The following CSF2RA variants were observed in gnomAD, a reference collection of about 807,000 sequenced individuals.
The protein encoded by CSF2RA is granulocyte-macrophage colony-stimulating factor receptor subunit alpha.
CSF2RA carries 42 observed loss-of-function variants against 51.6 expected under a neutral mutation model. The ratio of observed to expected loss-of-function variants is 0.81; its 90% CI spans 0.64 to 1.05. The LOEUF is 1.05. CSF2RA is among the 50% of genes least tolerant of loss of function. The pLI is 0.00. For missense variants in CSF2RA, 530 were observed against 501.1 expected (o/e 1.06, Z -0.55); for synonymous variants, 222 against 193.0 (o/e 1.15, Z -1.24).
At chrX:1,317,401 A>G in the CSF2RA span, among the ~76,000 whole-genome samples, 7 of 148,130 alleles carry the variant, frequency 4.7e-5, no homozygotes, top group South Asian at 2.1e-4. Context: ...ACAGGCATGC[A>G]CCACCACGCC....
intron 6 of CSF2RA, chrX:1,289,214 C>A (rs1165532440): frequency 7.9e-6 from 3 of 380,040 alleles, no homozygotes; most frequent in Non-Finnish European, 1.5e-5. Flanking sequence ...ACCTGCGCCT[C>A]CCTCCAGGGT....
At chrX:1,315,269 G>A (rs1424733666), downstream of CSF2RA, among the ~76,000 whole-genome samples, 3 of 151,836 alleles carry the variant, frequency 2.0e-5, no homozygotes, top group East Asian at 3.9e-4. Flanking sequence ...ATATATAGAA[G>A]ACAGATAGAT....
At position 1,300,557 on chromosome X, in the gene CSF2RA, A is replaced by T; in HGVS notation, c.877A>T (p.Ser293Cys). Reference sequence around the variant, plus strand: ...AAGCTCTGAGCCCAGAGCAAAACACAGTGTGAAGATCAGAGCTGCAGACGT... The same window carrying T: ...AAGCTCTGAGCCCAGAGCAAAACACTGTGTGAAGATCAGAGCTGCAGACGT... ...FPSSEPRAKH[S>C]VKIRAADVRI... The change falls in exon 10 of 13, where the codon AGT (serine) becomes TGT (cysteine). Residue 293 changes from serine to cysteine, a missense_variant. Physicochemically the swap from Ser to Cys is moderately radical, Grantham distance 112. Transcript: ENST00000381529. 1.2e-6 allele frequency: 2 copies of T among 1,613,932 alleles called. No homozygotes were observed. The highest frequency in any genetic ancestry group is 2.2e-5 in the East Asian group (1 of 44,884).
rs1603428053 is a variant in CSF2RA at position 1,288,748 on chromosome X, C to T, written c.344-11C>T. ...CGGAGTGAAAATTATTTTGTTTCTA[C>T]CTCTTCCCAGGAAGGGAGGGTACCG... is the stretch of plus-strand genomic sequence containing the variant. On this transcript the variant is annotated splice_polypyrimidine_tract_variant and intron_variant, in intron 5 of 12. Transcript: ENST00000381529. The T allele has an allele frequency of 6.2e-7, 1 of 1,613,782 alleles. No individual in the cohort carries two copies. The highest frequency in any genetic ancestry group is 1.3e-5 in the African/African-American group (1 of 74,906).
chrX:1,270,560 A>C (rs2088245317), intron 1 of CSF2RA, among the ~76,000 whole-genome samples: 1 of 152,056 alleles, frequency 6.6e-6, no homozygotes, highest in Non-Finnish European at 1.5e-5. Flanking sequence ...TTTTTAAAGC[A>C]AAACGGATTC....
intron 3 of CSF2RA, among the ~76,000 whole-genome samples, chrX:1,284,862 T>G (rs2090459581): frequency 6.6e-6 from 1 of 151,970 alleles, no homozygotes. Flanking sequence ...AGACAGGGTT[T>G]CACCACATTG....
intron 11 of CSF2RA, 84 bp downstream of exon 11, chrX:1,304,103 T>C: frequency 2.5e-6 from 3 of 1,206,740 alleles, no homozygotes; most frequent in Non-Finnish European, 3.7e-6. Context: ...TGTCTCTGTC[T>C]CTGAGAAAGA....
At chrX:1,302,545 C>T (rs1249893632) in intron 10 of CSF2RA, among the ~76,000 whole-genome samples, 1 of 152,160 alleles carries the variant, frequency 6.6e-6, no homozygotes, top group African/African-American at 2.4e-5. Context: ...CGCTCTGTCA[C>T]CCAGGCTGGA....
At chrX:1,311,353 A>C (rs2084175082), downstream of CSF2RA, among the ~76,000 whole-genome samples, 2 of 151,680 alleles carry the variant, frequency 1.3e-5, no homozygotes, top group African/African-American at 4.8e-5. Context: ...TCCCACCAGG[A>C]GTGGAAGTTG....
At chrX:1,310,477 G>C (rs1402408373), downstream of CSF2RA, 2 of 151,808 alleles carry the variant, frequency 1.3e-5, no homozygotes, top group African/African-American at 4.8e-5. Context: ...GGGCATCCTG[G>C]CTAACATAGT....
chrX:1,288,798 T>C lies in CSF2RA; in HGVS notation c.383T>C (p.Ile128Thr). 6.2e-7 allele frequency: 1 copy of C among 1,613,934 alleles called. No individual in the cohort carries two copies. Among genetic ancestry groups the C allele is most frequent in the Non-Finnish European group, 8.5e-7 (1 of 1,179,872 alleles). Residue 128 changes from isoleucine (I) to threonine (T), a missense_variant, in exon 6 of 13, where the codon ATC (isoleucine) becomes ACC (threonine). Physicochemically the swap from Ile to Thr is moderately conservative, Grantham distance 89 (BLOSUM62 -1). Coordinates refer to ENST00000381529, the MANE Select transcript of CSF2RA (RefSeq NM_172245.4). ...GTAAQNFSCF[I>T]YNADLMNCTW... ...GCTGCTCAGAATTTCTCCTGTTTCA[T>C]CTACAATGCGGATTTAATGAACTGT...
In CSF2RA at chrX:1,309,803, G is replaced by T; in HGVS notation, c.*324G>T. 3.2e-6 allele frequency: 2 copies of T among 620,584 alleles called. No homozygotes were observed. Among genetic ancestry groups the T allele is most frequent in the Non-Finnish European group, 5.7e-6 (2 of 348,668 alleles). 38.4% of individuals were successfully genotyped at this position (620,584 alleles called of 1,614,324 possible). ...CTTGGGAGGCTGAGGCAGGAGAATT[G>T]CTTGAACCCGTGAGGCGGAGGTTGT... On this transcript the variant is annotated 3_prime_UTR_variant, in exon 13 of 13. Coordinates refer to ENST00000381529, the MANE Select transcript of CSF2RA (RefSeq NM_172245.4).
Position 1,277,202 on chromosome X carries a change from C to T in CSF2RA, c.-27+2384C>T, listed in dbSNP as rs770330041. Among the ~76,000 whole-genome samples the T allele has an allele frequency of 2.4e-3, 369 of 152,172 alleles. 2 individuals are homozygous for T. The highest frequency in any genetic ancestry group is 0.012 in the South Asian group (58 of 4,828). ...CGCTCATTATAACCCCTTCCTACCC[C>T]ATCTCATGCTTCCCTTAAAGCATAA... On this transcript the variant is annotated intron_variant, in intron 2 of 12. Coordinates refer to ENST00000381529, the MANE Select transcript of CSF2RA (RefSeq NM_172245.4).
At chrX:1,271,021 G>A (rs1217304620) in intron 1 of CSF2RA, among the ~76,000 whole-genome samples, 7 of 149,726 alleles carry the variant, frequency 4.7e-5, no homozygotes, top group East Asian at 1.9e-4. Context: ...CCCATCCCTC[G>A]TGTATAAAAA....
chrX:1,322,793 C>T, the CSF2RA span, among the ~76,000 whole-genome samples: 22 of 152,090 alleles, frequency 1.4e-4, no homozygotes, highest in African/African-American at 5.1e-4. Context: ...CAGAATGGGA[C>T]ATTATTTCAA....
At chrX:1,320,713 A>G in the CSF2RA span, among the ~76,000 whole-genome samples, 6 of 136,634 alleles carry the variant, frequency 4.4e-5, no homozygotes, top group South Asian at 9.3e-4. Flanking sequence ...GGGTTTCGCC[A>G]TGTTGGCCAG....
At chrX:1,280,579 A>G (rs1346138003) in intron 2 of CSF2RA, among the ~76,000 whole-genome samples, 8 of 151,788 alleles carry the variant, frequency 5.3e-5, no homozygotes, top group Admixed American at 5.3e-4. Flanking sequence ...GAATTTAAAC[A>G]TTTTCTGGTT....
At chrX:1,300,093 C>T (rs757905754) in intron 9 of CSF2RA, among the ~76,000 whole-genome samples, 86 of 151,972 alleles carry the variant, frequency 5.7e-4, no homozygotes, top group African/African-American at 2.0e-3. Context: ...GTGGTGGGCA[C>T]CTGTAGTCCC....
intron 6 of CSF2RA, among the ~76,000 whole-genome samples, chrX:1,290,127 A>ATGTTT (rs1157730191): frequency 2.8e-4 from 10 of 35,124 alleles, no homozygotes; most frequent in Non-Finnish European, 5.8e-4. Flanking sequence ...TTGTGTTTTT[A>ATGTTT]TGTTTTGTTT....
Sources: gnomAD v4.1 joint callset for allele counts (sites outside exome capture counted in the v4.1 genomes callset) on GRCh38, gnomAD v4.1.1 for gene constraint, MANE v1.5 for transcripts, NCBI Gene and HGNC (gene_info 2026-07-23, HGNC 2026-07-21) for gene names.